Variants in TNRC6B observed in about 807,000 individuals in gnomAD.
TNRC6B encodes the protein trinucleotide repeat containing adaptor 6B.
A neutral mutation model predicts 203.6 loss-of-function variants in TNRC6B; 52 were observed. The observed-to-expected ratio is 0.26, with a 90% CI of 0.20 to 0.32. TNRC6B has a LOEUF of 0.32. Ranked by LOEUF, TNRC6B falls within the 10% of genes least tolerant of loss-of-function variation. TNRC6B has a pLI of 1.00. For synonymous variants in TNRC6B, 838 were observed against 845.7 expected, an observed-to-expected ratio of 0.99 and a Z score of 0.16; for missense variants, 1,923 against 2,286.2, an observed-to-expected ratio of 0.84 and a Z score of 3.24.
chr22:40,163,070 A>G (rs1231866532), intron 4 of TNRC6B, among the ~76,000 whole-genome samples: 2 of 152,052 alleles, frequency 1.3e-5, no homozygotes, highest in Non-Finnish European at 2.9e-5. Context: ...TCTGAATTCT[A>G]TTTTGTTTGA....
chr22:40,301,683 A>G (rs1410388598), intron 15 of TNRC6B, among the ~76,000 whole-genome samples: 3 of 152,182 alleles, frequency 2.0e-5, no homozygotes, highest in Non-Finnish European at 4.4e-5. Flanking sequence ...AAGGCTGGGT[A>G]ATACTCCATT....
At position 40,265,312 on chromosome 22, in the gene TNRC6B, G is replaced by C; in HGVS notation, c.1082G>C (p.Gly361Ala). Residue 361 changes from glycine to alanine, a missense_variant, in exon 5 of 23, where the codon GGC (glycine) becomes GCC (alanine). Physicochemically the swap from Gly to Ala is moderately conservative, Grantham distance 60. Coordinates refer to ENST00000454349, the MANE Select transcript of TNRC6B (RefSeq NM_001162501.2). Reference sequence around the variant, plus strand: ...GCGGGTGTTAATTTTGTTGTCTCTGGCAGAGAACAGGCTCAAATTCATAAC... The same window carrying C: ...GCGGGTGTTAATTTTGTTGTCTCTGCCAGAGAACAGGCTCAAATTCATAAC... ...ENAGVNFVVS[G>A]REQAQIHNTD... 6.2e-7 allele frequency: 1 copy of C among 1,613,966 alleles called. No individual in the cohort carries two copies. Among genetic ancestry groups the C allele is most frequent in the Non-Finnish European group, 8.5e-7 (1 of 1,179,884 alleles).
At chr22:40,061,258 G>A (rs954073292) in intron 1 of TNRC6B, among the ~76,000 whole-genome samples, 3 of 152,024 alleles carry the variant, frequency 2.0e-5, no homozygotes, top group East Asian at 1.9e-4. Context: ...CTTGTTGCTC[G>A]GGCTGGAGTG....
intron 3 of TNRC6B, among the ~76,000 whole-genome samples, chr22:40,255,477 A>G (rs1247714027): frequency 6.6e-6 from 1 of 152,214 alleles, no homozygotes; most frequent in African/African-American, 2.4e-5. Flanking sequence ...TAAATAATTT[A>G]TAAACTACTT....
At chr22:40,181,493 T>G (rs866278863) in intron 1 of TNRC6B, among the ~76,000 whole-genome samples, 1 of 152,246 alleles carries the variant, frequency 6.6e-6, no homozygotes, top group Admixed American at 6.5e-5. Context: ...GATAGATGAA[T>G]GTACTTTGTC....
At chr22:40,304,601 T>C (rs563642018) in intron 15 of TNRC6B, among the ~76,000 whole-genome samples, 4 of 152,192 alleles carry the variant, frequency 2.6e-5, no homozygotes, top group Non-Finnish European at 5.9e-5. Flanking sequence ...TCTTAGTGCT[T>C]TATGTCAACA....
chr22:40,263,124 A>G (rs1214743132), intron 4 of TNRC6B, among the ~76,000 whole-genome samples: 1 of 152,240 alleles, frequency 6.6e-6, no homozygotes, highest in Non-Finnish European at 1.5e-5. Flanking sequence ...AATATCTTTT[A>G]AAGTTTATTA....
intron 15 of TNRC6B, among the ~76,000 whole-genome samples, chr22:40,304,901 C>T (rs2071070998): frequency 6.6e-6 from 1 of 152,104 alleles, no homozygotes; most frequent in South Asian, 2.1e-4. Context: ...TACATGTGGA[C>T]ACGGACTTAG....
intron 1 of TNRC6B, among the ~76,000 whole-genome samples, chr22:40,217,555 T>C (rs2069651649): frequency 6.6e-6 from 1 of 152,188 alleles, no homozygotes; most frequent in African/African-American, 2.4e-5. Flanking sequence ...TTTAAACTAG[T>C]CTTCTAGAAT....
At position 40,327,805 on chromosome 22, in the gene TNRC6B, A is replaced by C. The variant is rs1191997232; in HGVS notation, c.*4564A>C. 1 of 151,864 alleles carries C rather than the reference A, an allele frequency of 6.6e-6. No homozygotes were observed. The highest frequency in any genetic ancestry group is 1.5e-5 in the Non-Finnish European group (1 of 67,964). The allele number at this position is 151,864 out of a possible 1,614,324, so 9.4% of individuals were successfully genotyped here. A position where few individuals can be genotyped will look rare whatever the true frequency, so the allele number is the denominator to read the frequency against. Reference sequence around the variant, plus strand: ...TTGCTGGTCACCTCTCATTACATAGATTTATTTTAAAAACATTTTGATTAT... The same window carrying C: ...TTGCTGGTCACCTCTCATTACATAGCTTTATTTTAAAAACATTTTGATTAT... On this transcript the variant is annotated 3_prime_UTR_variant, in exon 23 of 23. Transcript: ENST00000454349.
At chr22:40,246,419 T>G in intron 2 of TNRC6B, 1 of 173,220 alleles carries the variant, frequency 5.8e-6, no homozygotes, top group Non-Finnish European at 1.2e-5. Flanking sequence ...CAAACTCCTG[T>G]CCTCGTGATC....
At chr22:40,048,495 C>A (rs923261196) in intron 1 of TNRC6B, among the ~76,000 whole-genome samples, 2 of 150,410 alleles carry the variant, frequency 1.3e-5, no homozygotes, top group Admixed American at 1.3e-4. Context: ...GACCTGAGAT[C>A]GCGCCACTGC....
At chr22:40,192,951 G>A (rs1450351034) in intron 1 of TNRC6B, among the ~76,000 whole-genome samples, 1 of 152,244 alleles carries the variant, frequency 6.6e-6, no homozygotes, top group East Asian at 1.9e-4. Flanking sequence ...TTAGGCCATG[G>A]GAGTGACAGT....
intron 1 of TNRC6B, among the ~76,000 whole-genome samples, chr22:40,067,323 G>C (rs1261007743): frequency 6.6e-6 from 1 of 152,088 alleles, no homozygotes; most frequent in African/African-American, 2.4e-5. Flanking sequence ...GCGCATATCT[G>C]TATTTGTCTT....
At chr22:40,193,657 C>T (rs1272789161) in intron 1 of TNRC6B, among the ~76,000 whole-genome samples, 2 of 152,046 alleles carry the variant, frequency 1.3e-5, no homozygotes, top group Non-Finnish European at 2.9e-5. Flanking sequence ...AGACCTGAGG[C>T]ATGGGGAGAG....
chr22:40,216,913 C>T (rs902107376), intron 1 of TNRC6B, among the ~76,000 whole-genome samples: 9 of 152,198 alleles, frequency 5.9e-5, no homozygotes, highest in African/African-American at 1.4e-4. Context: ...TATCCTACTT[C>T]GTTTCCTTGA....
At chr22:40,166,728 C>T (rs774192294) in intron 4 of TNRC6B, among the ~76,000 whole-genome samples, 20 of 152,000 alleles carry the variant, frequency 1.3e-4, no homozygotes, top group Non-Finnish European at 1.8e-4. Context: ...AACCCCGTCT[C>T]TACTGAAAGT....
chr22:40,130,539 T>C (rs1217542220), intron 3 of TNRC6B, among the ~76,000 whole-genome samples: 1 of 151,390 alleles, frequency 6.6e-6, no homozygotes, highest in African/African-American at 2.4e-5. Context: ...CCCAGCACTT[T>C]GGGAGGCCGA....
intron 1 of TNRC6B, among the ~76,000 whole-genome samples, chr22:40,052,157 G>A (rs553916140): frequency 1.3e-5 from 2 of 152,194 alleles, no homozygotes; most frequent in South Asian, 4.1e-4. Flanking sequence ...GAAACACAAG[G>A]GGACCCCAAG....
Sources: gnomAD v4.1 joint callset for allele counts (sites outside exome capture counted in the v4.1 genomes callset) on GRCh38, gnomAD v4.1.1 for gene constraint, MANE v1.5 for transcripts, NCBI Gene and HGNC (gene_info 2026-07-23, HGNC 2026-07-21) for gene names.